The following ROPN1L variants were observed in gnomAD, a reference collection of about 807,000 sequenced individuals.
The protein encoded by ROPN1L is rhophilin associated tail protein 1 like, also known as ropporin-1-like protein.
ROPN1L carries 23 observed loss-of-function variants against 22.7 expected under a neutral mutation model. The observed-to-expected ratio is 1.01, with a 90% CI of 0.73 to 1.43. The LOEUF is 1.43. ROPN1L is among the 40% of genes most tolerant of loss of function. The probability of loss-of-function intolerance (pLI) is 0.00; values close to 1 mark genes in which losing one functional copy is unlikely to be tolerated. For synonymous variants in ROPN1L, 116 were observed against 117.8 expected (o/e 0.98, Z 0.10); for missense variants, 271 against 291.5 (o/e 0.93, Z 0.51).
rs1428995877 is a variant in ROPN1L, at chr5:10,442,296, G to C, written c.129G>C (p.Ala43=). The stretch of plus-strand genomic sequence containing the variant: ...CGGCCGACGTGCTGCGGTGGTCCGC[G>C]GGGTAAGCGCCCTTGGCCCGGGGAG... ...TQPADVLRWS[A]GYFSALSRGD... Residue 43 remains alanine, a splice_region_variant and synonymous_variant, in exon 1 of 5, where the codon GCG becomes GCC. Coordinates refer to ENST00000274134, the MANE Select transcript of ROPN1L (RefSeq NM_031916.5). 6.2e-7 allele frequency: 1 copy of C among 1,613,036 alleles called. No individual in the cohort carries two copies. Among genetic ancestry groups the C allele is most frequent in the Non-Finnish European group, 8.5e-7 (1 of 1,179,776 alleles).
At chr5:10,472,484 G>C (rs1241358003), downstream of ROPN1L, among the ~76,000 whole-genome samples, 1 of 152,210 alleles carries the variant, frequency 6.6e-6, no homozygotes, top group Non-Finnish European at 1.5e-5. Flanking sequence ...TTGGTGCTGG[G>C]AGAGAGAGGC....
chr5:10,443,040 T>A (rs1168564470), intron 1 of ROPN1L, among the ~76,000 whole-genome samples: 2 of 152,200 alleles, frequency 1.3e-5, no homozygotes, highest in Admixed American at 1.3e-4. Context: ...TAAATTTAAT[T>A]TAAATATTTT....
chr5:10,443,554 G>A (rs1579639434), intron 1 of ROPN1L, among the ~76,000 whole-genome samples: 1 of 151,952 alleles, frequency 6.6e-6, no homozygotes, highest in East Asian at 1.9e-4. Context: ...CCCGGGAAGC[G>A]GAGCTTGCAG....
At chr5:10,452,449 G>A (rs1293542485) in intron 3 of ROPN1L, among the ~76,000 whole-genome samples, 1 of 151,178 alleles carries the variant, frequency 6.6e-6, no homozygotes, top group Non-Finnish European at 1.5e-5. Context: ...TGATTTCCAT[G>A]CCTCAGCCTC....
intron 1 of ROPN1L, among the ~76,000 whole-genome samples, chr5:10,444,195 T>C (rs1281856282): frequency 6.6e-6 from 1 of 152,226 alleles, no homozygotes; most frequent in Non-Finnish European, 1.5e-5. Flanking sequence ...GTTTGTGCTG[T>C]ACAAAAAATT....
chr5:10,449,256 T>C (rs1741177035), intron 2 of ROPN1L, among the ~76,000 whole-genome samples: 2 of 152,222 alleles, frequency 1.3e-5, no homozygotes, highest in South Asian at 4.1e-4. Context: ...TGGTGGCTCA[T>C]GCCTTTAATC....
intron 3 of ROPN1L, among the ~76,000 whole-genome samples, chr5:10,454,129 ATTTTTT>A (rs36018567): frequency 1.3e-5 from 2 of 148,934 alleles, no homozygotes; most frequent in Non-Finnish European, 3.0e-5. Flanking sequence ...CTTTTATTTA[ATTTTTT>A]TTTTTTTAAG....
the ROPN1L span, among the ~76,000 whole-genome samples, chr5:10,477,280 A>G: frequency 0.018 from 2,733 of 152,306 alleles, 85 homozygotes; most frequent in African/African-American, 0.062. Context: ...GTTAACCCAC[A>G]TTTACCGAGG....
intron 3 of ROPN1L, among the ~76,000 whole-genome samples, chr5:10,458,345 T>G (rs978601574): frequency 1.4e-4 from 21 of 151,940 alleles, no homozygotes; most frequent in Non-Finnish European, 1.8e-4. Flanking sequence ...AGCGTGTCCA[T>G]GCACTGTCCT....
At chr5:10,443,604 G>A (rs537735869) in intron 1 of ROPN1L, among the ~76,000 whole-genome samples, 1 of 151,598 alleles carries the variant, frequency 6.6e-6, no homozygotes, top group African/African-American at 2.4e-5. Context: ...AGTCCGGCCC[G>A]GGCGACAGAG....
chr5:10,458,412 T>C (rs1734894643), intron 3 of ROPN1L, among the ~76,000 whole-genome samples: 1 of 150,928 alleles, frequency 6.6e-6, no homozygotes, highest in South Asian at 2.1e-4. Flanking sequence ...TCGTATACAC[T>C]ACCCCACCCA....
intron 1 of ROPN1L, among the ~76,000 whole-genome samples, chr5:10,444,143 G>A (rs1173600079): frequency 2.0e-5 from 3 of 152,138 alleles, no homozygotes; most frequent in Non-Finnish European, 2.9e-5. Context: ...ATAGCCTCTG[G>A]TTTTAACCAT....
chr5:10,479,027 A>G, the ROPN1L span, among the ~76,000 whole-genome samples: 1 of 152,306 alleles, frequency 6.6e-6, no homozygotes, highest in African/African-American at 2.4e-5. Context: ...GAAATCAGCT[A>G]TATTTTAGCA....
chr5:10,450,160 C>A, intron 3 of ROPN1L, 47 bp downstream of exon 3: 5 of 1,430,558 alleles, frequency 3.5e-6, no homozygotes, highest in Non-Finnish European at 4.7e-6. Flanking sequence ...TCATCATGGT[C>A]CCAGCTTAAA....
At chr5:10,476,229 C>G (rs979668225), downstream of ROPN1L, among the ~76,000 whole-genome samples, 2 of 152,232 alleles carry the variant, frequency 1.3e-5, no homozygotes, top group African/African-American at 4.8e-5. Flanking sequence ...TTCAATGTCC[C>G]CAACTCCTGT....
intron 3 of ROPN1L, among the ~76,000 whole-genome samples, chr5:10,457,801 C>G (rs990494542): frequency 1.3e-5 from 2 of 152,158 alleles, no homozygotes; most frequent in African/African-American, 4.8e-5. Flanking sequence ...GCATCTGCAG[C>G]TCCCCCGTGA....
At position 10,448,394 on chromosome 5, in the gene ROPN1L, GC is replaced by G. The variant is rs1408719638; in HGVS notation, c.255+12del. ...GTTTTGCACAAGCAGGTATGGGGGG[GC>G]GTAGTCTCTGGCCTCAGGCAGCTGG... On this transcript the variant is annotated intron_variant, in intron 2 of 4. Coordinates refer to ENST00000274134, the MANE Select transcript of ROPN1L (RefSeq NM_031916.5). 1 of 1,613,942 alleles carries G rather than the reference GC, an allele frequency of 6.2e-7. No homozygotes were observed. The highest frequency in any genetic ancestry group is 8.5e-7 in the Non-Finnish European group (1 of 1,179,982).
At position 10,448,324 on chromosome 5, in the gene ROPN1L, G is replaced by A. The variant is rs1561168812; in HGVS notation, c.196G>A (p.Ala66Thr). 6.2e-7 allele frequency: 1 copy of A among 1,614,198 alleles called. No individual in the cohort carries two copies. The highest frequency in any genetic ancestry group is 8.5e-7 in the Non-Finnish European group (1 of 1,180,034). ...PVKDRMEMPT[A>T]TQKTDTGLTQ... ...AAAGGACAGAATGGAAATGCCCACG[G>A]CAACCCAGAAAACAGACACAGGCCT... The change falls in exon 2 of 5, where the codon GCA (alanine) becomes ACA (threonine). Residue 66 changes from alanine (A) to threonine (T), a missense_variant. Coordinates refer to ENST00000274134, the MANE Select transcript of ROPN1L (RefSeq NM_031916.5).
rs577812535 is a variant in ROPN1L at position 10,457,091 on chromosome 5, G to C, written c.418-4093G>C. 2.6e-5 allele frequency among the ~76,000 whole-genome samples: 4 copies of C among 152,366 alleles called. No homozygotes were observed. In the South Asian group the frequency reaches 8.3e-4, roughly 32 times the overall value. ...GGCTTTGAGCAAGTCCTGTCTTGGG[G>C]ACAGTCTTTTAGAGGAGCCACGTGT... is the stretch of plus-strand genomic sequence containing the variant. On this transcript the variant is annotated intron_variant, in intron 3 of 4. Coordinates refer to ENST00000274134, the MANE Select transcript of ROPN1L (RefSeq NM_031916.5).
Sources: allele counts gnomAD v4.1 joint callset (sites outside exome capture counted in the v4.1 genomes callset), GRCh38; gene constraint gnomAD v4.1.1; transcripts MANE v1.5; gene names NCBI Gene and HGNC (gene_info 2026-07-23, HGNC 2026-07-21).